DNAJB2: variants seen among roughly 807,000 people sequenced by gnomAD.
DNAJB2 encodes the protein DnaJ heat shock protein family (Hsp40) member B2, also known as dnaJ homolog subfamily B member 2.
A neutral mutation model predicts 33.3 loss-of-function variants in DNAJB2; 19 were observed. That is an observed-to-expected ratio of 0.57 (90% CI 0.40 to 0.84). The LOEUF is 0.84. DNAJB2 is among the 40% of genes least tolerant of loss of function. The pLI, the probability that DNAJB2 is intolerant of heterozygous loss-of-function variation, is 0.00. For synonymous variants in DNAJB2, 172 were observed against 164.6 expected, an observed-to-expected ratio of 1.04 and a Z score of -0.34; for missense variants, 368 against 430.9, an observed-to-expected ratio of 0.85 and a Z score of 1.29.
chr2:219,281,909 C>T, intron 4 of DNAJB2, 30 bp from the exon 5 acceptor site: 1 of 1,613,096 alleles, frequency 6.2e-7, no homozygotes, highest in East Asian at 2.2e-5. Context: ...GATGCATGCC[C>T]TAAGCTCTCT....
rs1182264348 is a variant in DNAJB2 at position 219,285,728 on chromosome 2, C to T, written c.*741C>T. 1.6e-6 allele frequency: 2 copies of T among 1,262,922 alleles called. No homozygotes were observed. Among genetic ancestry groups the T allele is most frequent in the South Asian group, 2.8e-5 (1 of 35,322 alleles). The allele number at this position is 1,262,922 out of a possible 1,614,324, so 78.2% of individuals were successfully genotyped here. A position where few individuals can be genotyped will look rare whatever the true frequency, so the allele number is the denominator to read the frequency against. On this transcript the variant is annotated 3_prime_UTR_variant, in exon 9 of 9. Coordinates refer to ENST00000336576, the MANE Select transcript of DNAJB2 (RefSeq NM_006736.6). ...AGATTCAGAACTGGAGCCCACTCCT[C>T]CTCCCTCTCGTTGCCTCAGCCTGCC...
At position 219,280,694 on chromosome 2, in the gene DNAJB2, G is replaced by T; in HGVS notation, c.175+7G>T. On this transcript the variant is annotated splice_region_variant and intron_variant, in intron 3 of 8. Coordinates refer to ENST00000336576, the MANE Select transcript of DNAJB2 (RefSeq NM_006736.6). ...TATGAAGTGCTGTCTGACAGTAAGG[G>T]CCGGGGTCAGGCAGGACCCAGCACA... The T allele has an allele frequency of 6.2e-7, 1 of 1,603,966 alleles. No individual in the cohort carries two copies. Among genetic ancestry groups the T allele is most frequent in the South Asian group, 1.1e-5 (1 of 90,704 alleles).
In DNAJB2 at chr2:219,281,900, A is replaced by T. The variant is rs1202726825; in HGVS notation, c.230-39A>T. 1.9e-6 allele frequency: 3 copies of T among 1,612,380 alleles called. No homozygotes were observed. In the Admixed American group the frequency reaches 5.0e-5, roughly 27 times the overall value. ...GGTGAGGTCCCCCGCTCAGGGCAGG[A>T]TGCATGCCCTAAGCTCTCTCCTCAT... On this transcript the variant is annotated intron_variant, in intron 4 of 8. Coordinates refer to ENST00000336576, the MANE Select transcript of DNAJB2 (RefSeq NM_006736.6).
chr2:219,281,859 T>C, intron 4 of DNAJB2, 80 bp from the exon 5 acceptor site: 1 of 1,608,378 alleles, frequency 6.2e-7, no homozygotes, highest in South Asian at 1.1e-5. Flanking sequence ...TCTCTCAGGC[T>C]CCTGGCTGTG....
At chr2:219,282,215 A>G (rs1340197247) in intron 5 of DNAJB2, 154 bp downstream of exon 5, 6 of 1,216,658 alleles carry the variant, frequency 4.9e-6, no homozygotes, top group Admixed American at 2.1e-5. Context: ...GAGCCGGGAC[A>G]GAACCTCACG....
rs759733377 is a variant in DNAJB2, at chr2:219,280,699, G to C, written c.175+12G>C. On this transcript the variant is annotated intron_variant, in intron 3 of 8. Transcript: ENST00000336576. ...AGTGCTGTCTGACAGTAAGGGCCGG[G>C]GTCAGGCAGGACCCAGCACATCACC... is the stretch of plus-strand genomic sequence containing the variant. 3 of 1,591,342 alleles carry C rather than the reference G, an allele frequency of 1.9e-6. No individual in the cohort carries two copies. In the South Asian group the frequency reaches 3.3e-5, roughly 18 times the overall value.
rs974396815 is a variant in DNAJB2, at chr2:219,285,720, C to T, written c.*733C>T. On this transcript the variant is annotated 3_prime_UTR_variant, in exon 9 of 9. Coordinates refer to ENST00000336576, the MANE Select transcript of DNAJB2 (RefSeq NM_006736.6). ...AGCTGTCCAGATTCAGAACTGGAGC[C>T]CACTCCTCCTCCCTCTCGTTGCCTC... 1.0e-5 allele frequency: 13 copies of T among 1,248,296 alleles called. No individual in the cohort carries two copies. Among genetic ancestry groups the T allele is most frequent in the Non-Finnish European group, 1.2e-5 (12 of 991,316 alleles). 77.3% of individuals were successfully genotyped at this position (1,248,296 alleles called of 1,614,324 possible).
At chr2:219,283,742 T>A (rs181975084) in intron 8 of DNAJB2, among the ~76,000 whole-genome samples, 1 of 152,322 alleles carries the variant, frequency 6.6e-6, no homozygotes, top group Admixed American at 6.5e-5. Flanking sequence ...CTTCCAGATA[T>A]ACGATATCCT....
chr2:219,285,886 G>A lies in DNAJB2; in HGVS notation c.*899G>A, dbSNP rs1951950889. ...TCCCTACCACAAATCAGGGCTCAGGGAGAGGCCATGCGGCCAGCCCAGGTC... is the reference window on the plus strand; with the variant it reads ...TCCCTACCACAAATCAGGGCTCAGGAAGAGGCCATGCGGCCAGCCCAGGTC... On this transcript the variant is annotated 3_prime_UTR_variant, in exon 9 of 9. Coordinates refer to ENST00000336576, the MANE Select transcript of DNAJB2 (RefSeq NM_006736.6). 1.3e-6 allele frequency: 2 copies of A among 1,554,840 alleles called. No individual in the cohort carries two copies. The highest frequency in any genetic ancestry group is 2.7e-5 in the African/African-American group (2 of 74,120).
chr2:219,280,152 T>C, intron 2 of DNAJB2: 2 of 342,308 alleles, frequency 5.8e-6, no homozygotes, highest in Non-Finnish European at 1.1e-5. Context: ...GATCTTCCCC[T>C]CCTCCTCCTC....
In DNAJB2 at chr2:219,286,002, G is replaced by T; in HGVS notation, c.*1015G>T. The T allele has an allele frequency of 6.2e-7, 1 of 1,612,866 alleles. No individual in the cohort carries two copies. Among genetic ancestry groups the T allele is most frequent in the Non-Finnish European group, 8.5e-7 (1 of 1,179,778 alleles). ...CTCTCCCCAGATGTGTTCTGAGCTGGATGCCGGGTTCCAGAATCGCTGCAC... is the reference window on the plus strand; with the variant it reads ...CTCTCCCCAGATGTGTTCTGAGCTGTATGCCGGGTTCCAGAATCGCTGCAC... On this transcript the variant is annotated 3_prime_UTR_variant, in exon 9 of 9. Transcript: ENST00000336576.
chr2:219,285,920 G>C lies in DNAJB2; in HGVS notation c.*933G>C. The C allele has an allele frequency of 1.9e-6, 3 of 1,599,058 alleles. No individual in the cohort carries two copies. In the Admixed American group the frequency reaches 5.0e-5, roughly 27 times the overall value. ...TGCGGCCAGCCCAGGTCTGCATGCTGAGCCCCATCCTCCACAGCTTGCCGC... is the reference window on the plus strand; with the variant it reads ...TGCGGCCAGCCCAGGTCTGCATGCTCAGCCCCATCCTCCACAGCTTGCCGC... On this transcript the variant is annotated 3_prime_UTR_variant, in exon 9 of 9. Transcript: ENST00000336576.
intron 2 of DNAJB2, 82 bp from the exon 3 acceptor site, chr2:219,280,495 TG>T: frequency 9.1e-7 from 1 of 1,100,642 alleles, no homozygotes; most frequent in Non-Finnish European, 1.4e-6. Context: ...GATAGGCTAA[TG>T]GGAAAACAGG....
intron 3 of DNAJB2, chr2:219,281,229 A>ACG (rs1951901350): frequency 5.5e-6 from 1 of 183,236 alleles, no homozygotes; most frequent in African/African-American, 2.4e-5. Flanking sequence ...CCTACCAGGC[A>ACG]CACACACAGA....
intron 2 of DNAJB2, chr2:219,280,294 T>C: frequency 1.9e-6 from 1 of 537,072 alleles, no homozygotes; most frequent in Non-Finnish European, 3.3e-6. Context: ...CGAGGCCACA[T>C]GTGCCCCAAC....
chr2:219,283,385 C>T, intron 7 of DNAJB2, 34 bp from the exon 8 acceptor site: 2 of 1,611,798 alleles, frequency 1.2e-6, no homozygotes, highest in Non-Finnish European at 1.7e-6. Context: ...GATTCTGTCA[C>T]TGCTCGTTGC....
Position 219,279,826 on chromosome 2 carries a change from C to T in DNAJB2, c.-8C>T. 1 of 1,613,940 alleles carries T rather than the reference C, an allele frequency of 6.2e-7. No homozygotes were observed. The highest frequency in any genetic ancestry group is 1.1e-5 in the South Asian group (1 of 91,078). On this transcript the variant is annotated 5_prime_UTR_variant, in exon 2 of 9. Coordinates refer to ENST00000336576, the MANE Select transcript of DNAJB2 (RefSeq NM_006736.6). This position sits in a 1 kb window ranked among gnomAD's most constrained non-coding sequence, Gnocchi z 4.9. ...CAAGGAGGCCCGCCTGACGACTGACCAGTTGCCATGGCATCCTACTACGAG... is the reference window on the plus strand; with the variant it reads ...CAAGGAGGCCCGCCTGACGACTGACTAGTTGCCATGGCATCCTACTACGAG...
chr2:219,285,105 C>A lies in DNAJB2; in HGVS notation c.*118C>A. ...CTGCTTTCCAACTCCAAGCTCCCTCCACAAGTTTCCCTCCCAGGCCCCCCA... is the reference window on the plus strand; with the variant it reads ...CTGCTTTCCAACTCCAAGCTCCCTCAACAAGTTTCCCTCCCAGGCCCCCCA... On this transcript the variant is annotated 3_prime_UTR_variant, in exon 9 of 9. Transcript: ENST00000336576. The A allele has an allele frequency of 7.2e-7, 1 of 1,385,522 alleles. No individual in the cohort carries two copies. Among genetic ancestry groups the A allele is most frequent in the Non-Finnish European group, 9.4e-7 (1 of 1,063,172 alleles). 85.8% of individuals were successfully genotyped at this position (1,385,522 alleles called of 1,614,324 possible).
intron 6 of DNAJB2, 71 bp downstream of exon 6, chr2:219,283,000 C>T (rs866864354): frequency 6.4e-7 from 1 of 1,565,304 alleles, no homozygotes. Context: ...TGTTGCTTTT[C>T]CAAGCCTGTC....
Sources: allele counts gnomAD v4.1 joint callset (sites outside exome capture counted in the v4.1 genomes callset), GRCh38; gene constraint gnomAD v4.1.1; non-coding constraint Gnocchi (gnomAD v3.1); transcripts MANE v1.5; gene names NCBI Gene and HGNC (gene_info 2026-07-23, HGNC 2026-07-21).